SMURF1: variants seen among roughly 807,000 people sequenced by gnomAD.
SMURF1 encodes E3 ubiquitin-protein ligase SMURF1.
In SMURF1, 44 loss-of-function variants were observed where a neutral mutation model predicts 98.0. That is an observed-to-expected ratio of 0.45 (90% CI 0.35 to 0.58). SMURF1 has a LOEUF of 0.58. SMURF1 is among the 20% of genes least tolerant of loss of function. SMURF1 has a pLI of 0.00. For synonymous variants in SMURF1, 396 were observed against 374.9 expected (o/e 1.06, Z -0.65); for missense variants, 687 against 938.4 (o/e 0.73, Z 3.50).
intron 9 of SMURF1, chr7:99,048,091 A>G (rs1795640611): frequency 1.8e-6 from 1 of 561,686 alleles, no homozygotes; most frequent in Non-Finnish European, 3.2e-6. Context: ...ACAGTACCAT[A>G]AAGGAGGTAC....
intron 1 of SMURF1, among the ~76,000 whole-genome samples, chr7:99,124,182 A>G (rs1395659499): frequency 6.6e-6 from 1 of 152,252 alleles, no homozygotes; most frequent in East Asian, 1.9e-4. Flanking sequence ...AAGAGCTTCA[A>G]TAATTGACAA....
chr7:99,107,858 T>C (rs1360758122), intron 1 of SMURF1, among the ~76,000 whole-genome samples: 2 of 152,172 alleles, frequency 1.3e-5, no homozygotes, highest in East Asian at 1.9e-4. Flanking sequence ...AGACATCTTA[T>C]TGTTCACCTA....
rs1455524727 is a variant in SMURF1, at chr7:99,036,091, CAT to C, written c.1810-377_1810-376del. 25 of 265,488 alleles carry C rather than the reference CAT, an allele frequency of 9.4e-5. 1 individual carries two copies. The highest frequency in any genetic ancestry group is 7.1e-4 in the South Asian group (16 of 22,612). 16.4% of individuals were successfully genotyped at this position (265,488 alleles called of 1,614,324 possible). A position where few individuals can be genotyped will look rare whatever the true frequency, so the allele number is the denominator to read the frequency against. On this transcript the variant is annotated intron_variant, in intron 15 of 17. Transcript: ENST00000361368. ...AGGGTCTCTCCAGGACACTCAAGGA[CAT>C]GTGGAGTTTCAAGTCTGAAGAGAGG...
intron 1 of SMURF1, among the ~76,000 whole-genome samples, chr7:99,099,041 T>C (rs547377184): frequency 6.6e-6 from 1 of 152,204 alleles, no homozygotes; most frequent in South Asian, 2.1e-4. Flanking sequence ...AGAAAGAACA[T>C]GTGTAAAGAC....
intron 1 of SMURF1, among the ~76,000 whole-genome samples, chr7:99,091,412 A>G (rs549744016): frequency 6.6e-6 from 1 of 152,334 alleles, no homozygotes; most frequent in African/African-American, 2.4e-5. Context: ...TGTGCAGAAT[A>G]ACAAGTAGAA....
chr7:99,034,292 A>AC (rs1795036672), intron 16 of SMURF1, among the ~76,000 whole-genome samples: 1 of 152,202 alleles, frequency 6.6e-6, no homozygotes, highest in Admixed American at 6.5e-5. Flanking sequence ...GTCACCTCTG[A>AC]CCCACCTTCT....
intron 1 of SMURF1, among the ~76,000 whole-genome samples, chr7:99,137,284 G>C (rs1184937350): frequency 1.3e-5 from 2 of 152,090 alleles, no homozygotes; most frequent in Non-Finnish European, 2.9e-5. Context: ...TCCATCTCTA[G>C]CAGGTCCTTT....
At chr7:99,068,443 A>T (rs1177147204) in intron 1 of SMURF1, among the ~76,000 whole-genome samples, 1 of 152,168 alleles carries the variant, frequency 6.6e-6, no homozygotes, top group African/African-American at 2.4e-5. Flanking sequence ...GGCATGCACC[A>T]CTATGCTCAG....
At chr7:99,115,865 A>G (rs1032077848) in intron 1 of SMURF1, among the ~76,000 whole-genome samples, 29 of 150,300 alleles carry the variant, frequency 1.9e-4, no homozygotes, top group South Asian at 2.1e-4. Context: ...GAGCTTTACC[A>G]TAAACATTTT....
intron 1 of SMURF1, among the ~76,000 whole-genome samples, chr7:99,135,031 C>T (rs144557600): frequency 3.3e-4 from 51 of 152,252 alleles, no homozygotes; most frequent in African/African-American, 9.1e-4. Context: ...CTGTAGAACC[C>T]AGGAATCTTC....
intron 6 of SMURF1, among the ~76,000 whole-genome samples, chr7:99,053,342 A>T (rs966595074): frequency 1.3e-5 from 2 of 152,062 alleles, no homozygotes; most frequent in African/African-American, 4.8e-5. Flanking sequence ...CCATCATCCA[A>T]TGTCCACTCT....
intron 1 of SMURF1, among the ~76,000 whole-genome samples, chr7:99,074,812 G>T (rs1052310001): frequency 6.6e-6 from 1 of 152,190 alleles, no homozygotes; most frequent in Non-Finnish European, 1.5e-5. Flanking sequence ...AGGATGACTT[G>T]TGTCCAGGTG....
chr7:99,046,731 CAAA>C (rs56788889), intron 10 of SMURF1, among the ~76,000 whole-genome samples: 1,056 of 74,616 alleles, frequency 0.014, 7 homozygotes, highest in African/African-American at 0.052. Flanking sequence ...GACTCCGTCT[CAAA>C]AAAAAAAAAA....
chr7:99,136,177 G>C (rs1172152428), intron 1 of SMURF1, among the ~76,000 whole-genome samples: 1 of 152,168 alleles, frequency 6.6e-6, no homozygotes, highest in African/African-American at 2.4e-5. Flanking sequence ...CTGGGCGACA[G>C]AGCAAGACCC....
At chr7:99,038,973 TA>T (rs1795262946) in intron 13 of SMURF1, among the ~76,000 whole-genome samples, 1 of 151,774 alleles carries the variant, frequency 6.6e-6, no homozygotes, top group Non-Finnish European at 1.5e-5. Context: ...GCGGGTGGAT[TA>T]CGAGGTCAGG....
chr7:99,093,577 A>G (rs760155265), intron 1 of SMURF1, among the ~76,000 whole-genome samples: 4 of 152,090 alleles, frequency 2.6e-5, no homozygotes, highest in Non-Finnish European at 5.9e-5. Flanking sequence ...CCAAGTCCTA[A>G]GCAATTTTTG....
chr7:99,051,307 A>G (rs370183776), intron 8 of SMURF1, 50 bp downstream of exon 8: 6 of 1,451,296 alleles, frequency 4.1e-6, no homozygotes, highest in Non-Finnish European at 5.8e-6. Context: ...TGGCTTTTCA[A>G]GTCAACTGCT....
At chr7:99,083,286 G>C (rs1796609278) in intron 1 of SMURF1, among the ~76,000 whole-genome samples, 1 of 152,094 alleles carries the variant, frequency 6.6e-6, no homozygotes, top group Non-Finnish European at 1.5e-5. Context: ...CAAACTCTTA[G>C]CATTTTGTAC....
intron 5 of SMURF1, among the ~76,000 whole-genome samples, chr7:99,056,955 A>T (rs1179800437): frequency 7.4e-6 from 1 of 134,662 alleles, no homozygotes; most frequent in Non-Finnish European, 1.5e-5. Context: ...GTGAGCTGAG[A>T]TCTCACCACT....
Sources: allele counts gnomAD v4.1 joint callset (sites outside exome capture counted in the v4.1 genomes callset), GRCh38; gene constraint gnomAD v4.1.1; transcripts MANE v1.5; gene names NCBI Gene and HGNC (gene_info 2026-07-23, HGNC 2026-07-21).